Variants in TRPV3 observed in about 807,000 individuals in gnomAD.
The protein encoded by TRPV3 is VRL-3.
In TRPV3, 88 loss-of-function variants were observed where a neutral mutation model predicts 87.1. That is an observed-to-expected ratio of 1.01 (90% CI 0.85 to 1.21). The LOEUF is 1.21. Ranked by LOEUF, TRPV3 falls within the 50% of genes most tolerant of loss-of-function variation. The pLI, the probability that TRPV3 is intolerant of heterozygous loss-of-function variation, is 0.00. For missense variants in TRPV3, 1,054 were observed against 1,030.1 expected (o/e 1.02, Z -0.32); for synonymous variants, 438 against 423.3 (o/e 1.03, Z -0.43).
chr17:3,531,719 C>G (rs938003551), intron 8 of TRPV3, among the ~76,000 whole-genome samples: 1 of 152,224 alleles, frequency 6.6e-6, no homozygotes, highest in African/African-American at 2.4e-5. Flanking sequence ...AAAGCCCCAG[C>G]AAGCTGTGAC....
rs1437569541 is a variant in TRPV3, at chr17:3,537,768, T to C, written c.644-2055A>G. Among the ~76,000 whole-genome samples the C allele has an allele frequency of 2.0e-5, 3 of 150,724 alleles. No individual in the cohort carries two copies. In the South Asian group the frequency reaches 6.3e-4, roughly 32 times the overall value. On this transcript the variant is annotated intron_variant, in intron 6 of 17. Transcript: ENST00000576742. The stretch of plus-strand genomic sequence containing the variant: ...AAAATACAAAAAAATTAGCCAAGTG[T>C]GGTGGCGGGCACCTGTAGTCCCAGC...
chr17:3,531,914 G>C (rs2074352435), intron 8 of TRPV3, among the ~76,000 whole-genome samples: 2 of 152,284 alleles, frequency 1.3e-5, no homozygotes, highest in East Asian at 1.9e-4. Flanking sequence ...CCTGAGGCTG[G>C]CACAGCTGCG....
rs2074200112 is a variant in TRPV3, at chr17:3,518,031, C to T, written c.2085+545G>A. 6.6e-6 allele frequency among the ~76,000 whole-genome samples: 1 copy of T among 152,032 alleles called. No individual in the cohort carries two copies. Among genetic ancestry groups the T allele is most frequent in the Non-Finnish European group, 1.5e-5 (1 of 67,994 alleles). On this transcript the variant is annotated intron_variant, in intron 15 of 17. Coordinates refer to ENST00000576742, the MANE Select transcript of TRPV3 (RefSeq NM_145068.4). The surrounding 1 kb of genome is among the most constrained non-coding windows in gnomAD (Gnocchi z 4.3). ...ATGAGGTTTCACCATGTTGGCCAAG[C>T]TGGGCTCGAACTCTTGACCTCAGGT...
chr17:3,541,881 G>A lies in TRPV3; in HGVS notation c.643+641C>T, dbSNP rs533837038. On this transcript the variant is annotated intron_variant, in intron 6 of 17. Coordinates refer to ENST00000576742, the MANE Select transcript of TRPV3 (RefSeq NM_145068.4). ...TGTCACACTATCTTCATTTATTTTC[G>A]TAATATTTTAAATCTAAAATTATCT... 9.2e-5 allele frequency among the ~76,000 whole-genome samples: 14 copies of A among 152,232 alleles called. No homozygotes were observed. The South Asian group carries it at 1.2e-3, about 14-fold the overall frequency.
At position 3,514,627 on chromosome 17, in the gene TRPV3, G is replaced by T; in HGVS notation, c.2244C>A (p.Phe748Leu). ...KWTEWKTHVS[F>L]LNEDPGPVRR... ...TTACAGGCCCCGGGTCTTCGTTAAG[G>T]AAGGAGACGTGCGTCTTCCATTCAG... The change falls in exon 17 of 18, where the codon TTC (phenylalanine) becomes TTA (leucine). Residue 748 changes from phenylalanine (F) to leucine (L), a missense_variant. Physicochemically the swap from Phe to Leu is conservative, Grantham distance 22. Coordinates refer to ENST00000576742, the MANE Select transcript of TRPV3 (RefSeq NM_145068.4). The T allele has an allele frequency of 6.2e-7, 1 of 1,614,088 alleles. No individual in the cohort carries two copies.
chr17:3,526,807 G>T, intron 12 of TRPV3, 47 bp downstream of exon 12: 1 of 1,515,182 alleles, frequency 6.6e-7, no homozygotes, highest in Non-Finnish European at 9.1e-7. Flanking sequence ...CATACAGGAC[G>T]TCAACCCTGC....
intron 12 of TRPV3, among the ~76,000 whole-genome samples, chr17:3,526,400 C>A (rs184404574): frequency 6.6e-6 from 1 of 152,058 alleles, no homozygotes; most frequent in African/African-American, 2.4e-5. Flanking sequence ...ATCGCTTGAA[C>A]CTGGGAGGTG....
chr17:3,549,756 G>GGAT (rs2074556262), intron 2 of TRPV3, among the ~76,000 whole-genome samples: 1 of 150,450 alleles, frequency 6.6e-6, no homozygotes, highest in African/African-American at 2.4e-5. Flanking sequence ...ATAGGTGGAT[G>GGAT]GATGGATGGA....
chr17:3,536,167 G>A (rs2074407791), intron 6 of TRPV3, among the ~76,000 whole-genome samples: 7 of 152,190 alleles, frequency 4.6e-5, no homozygotes, highest in Admixed American at 3.9e-4. Context: ...GGGCAAGAGG[G>A]CAGAGCTTGT....
intron 7 of TRPV3, among the ~76,000 whole-genome samples, chr17:3,533,979 T>C (rs914569099): frequency 1.3e-5 from 2 of 152,146 alleles, no homozygotes; most frequent in Admixed American, 6.5e-5. Flanking sequence ...AGACAGTAAG[T>C]GCTCAATAAA....
chr17:3,519,422 T>TGGATGGATGGATGGA (rs143820760), intron 14 of TRPV3, among the ~76,000 whole-genome samples: 4 of 111,278 alleles, frequency 3.6e-5, no homozygotes, highest in East Asian at 3.2e-4. Flanking sequence ...GGATGGATGA[T>TGGATGGATGGATGGA]TGGATGGATG....
chr17:3,542,938 A>G lies in TRPV3; in HGVS notation c.467-240T>C, dbSNP rs74251317. Among the ~76,000 whole-genome samples, 578 of 151,424 alleles carry G rather than the reference A, an allele frequency of 3.8e-3. 23 individuals are homozygous for G. In the East Asian group the frequency reaches 0.086, roughly 22 times the overall value. On this transcript the variant is annotated intron_variant, in intron 5 of 17. Coordinates refer to ENST00000576742, the MANE Select transcript of TRPV3 (RefSeq NM_145068.4). Reference sequence around the variant, plus strand: ...ATCTGAGGCCTTTTGCTCTTTGCCCACTGTATGGCTTCCCGCTGTCCACCC... The same window carrying G: ...ATCTGAGGCCTTTTGCTCTTTGCCCGCTGTATGGCTTCCCGCTGTCCACCC...
chr17:3,534,923 C>G (rs1388901474), intron 7 of TRPV3, among the ~76,000 whole-genome samples: 3 of 152,086 alleles, frequency 2.0e-5, no homozygotes, highest in African/African-American at 7.2e-5. Flanking sequence ...CAGAGAGCTA[C>G]CCAGGACAAT....
chr17:3,519,899 T>TTA (rs2074229449), intron 14 of TRPV3, among the ~76,000 whole-genome samples: 1 of 113,412 alleles, frequency 8.8e-6, no homozygotes, highest in Non-Finnish European at 2.0e-5. Context: ...ATTGGATGGA[T>TTA]GATTAGATGG....
intron 8 of TRPV3, among the ~76,000 whole-genome samples, chr17:3,532,241 G>A (rs187006551): frequency 6.3e-4 from 96 of 152,362 alleles, no homozygotes; most frequent in African/African-American, 2.2e-3. Flanking sequence ...AACAGGCTGG[G>A]GTCTCCCCAT....
At chr17:3,531,069 A>T (rs979032421) in intron 8 of TRPV3, among the ~76,000 whole-genome samples, 8 of 143,816 alleles carry the variant, frequency 5.6e-5, no homozygotes, top group Non-Finnish European at 1.2e-4. Context: ...AAAAAACAAA[A>T]CAAAACAAAC....
At chr17:3,525,812 G>A (rs191984076) in intron 12 of TRPV3, among the ~76,000 whole-genome samples, 82 of 152,052 alleles carry the variant, frequency 5.4e-4, no homozygotes, top group Admixed American at 1.1e-3. Context: ...TGTAGAGAGA[G>A]GGGATTTCAC....
chr17:3,520,892 G>A (rs1436423333), intron 14 of TRPV3, 81 bp downstream of exon 14: 4 of 916,000 alleles, frequency 4.4e-6, no homozygotes, highest in East Asian at 5.5e-5. Flanking sequence ...TGTTGCCAAG[G>A]CCGCCATGCA....
At position 3,542,605 on chromosome 17, in the gene TRPV3, A is replaced by G. The variant is rs769374797; in HGVS notation, c.560T>C (p.Val187Ala). ...LNINPNTKEI[V>A]RILLAFAEEN... ...TTCAGCAAAGGCAAGCAGGATCCGC[A>G]CTATCTCCTTGGTGTTGGGGTTGAT... The change falls in exon 6 of 18, where the codon GTG (valine) becomes GCG (alanine). Residue 187 changes from valine (V) to alanine (A), a missense_variant. Coordinates refer to ENST00000576742, the MANE Select transcript of TRPV3 (RefSeq NM_145068.4). 9.9e-6 allele frequency: 16 copies of G among 1,613,832 alleles called. No homozygotes were observed. The highest frequency in any genetic ancestry group is 7.7e-5 in the South Asian group (7 of 91,080).
Sources: gnomAD v4.1 joint callset for allele counts (sites outside exome capture counted in the v4.1 genomes callset) on GRCh38, gnomAD v4.1.1 for gene constraint, Gnocchi (gnomAD v3.1) non-coding constraint, MANE v1.5 for transcripts, NCBI Gene and HGNC (gene_info 2026-07-23, HGNC 2026-07-21) for gene names.